Variants in ANXA8 observed in about 807,000 individuals in gnomAD.
The protein encoded by ANXA8 is VAC-beta.
A neutral mutation model predicts 26.8 loss-of-function variants in ANXA8; 9 were observed. That is an observed-to-expected ratio of 0.34 (90% CI 0.20 to 0.59). The LOEUF (loss-of-function observed/expected upper bound fraction) is 0.59. ANXA8 is among the 20% of genes least tolerant of loss of function. The probability of loss-of-function intolerance (pLI) is 0.84; values close to 1 mark genes in which losing one functional copy is unlikely to be tolerated. For missense variants in ANXA8, 83 were observed against 238.5 expected (o/e 0.35, Z 4.29); for synonymous variants, 39 against 94.8 (o/e 0.41, Z 3.42).
At chr10:47,942,203 G>A in the ANXA8 span, among the ~76,000 whole-genome samples, 1 of 146,162 alleles carries the variant, frequency 6.8e-6, no homozygotes, top group African/African-American at 2.7e-5. Context: ...TTATGAATAG[G>A]TGAAAAGCCT....
At chr10:47,932,410 T>G in the ANXA8 span, among the ~76,000 whole-genome samples, 4 of 151,040 alleles carry the variant, frequency 2.6e-5, no homozygotes, top group Non-Finnish European at 5.9e-5. Flanking sequence ...ATGGGGAACT[T>G]ATCGGCTCAT....
the ANXA8 span, chr10:47,502,928 T>C: frequency 6.2e-7 from 1 of 1,602,852 alleles, no homozygotes; most frequent in South Asian, 1.1e-5. Context: ...TTTAGGTGTT[T>C]CTTTTTATTG....
intron 11 of ANXA8, among the ~76,000 whole-genome samples, chr10:47,470,166 A>G (rs1309370703): frequency 5.9e-5 from 9 of 151,888 alleles, no homozygotes; most frequent in African/African-American, 1.9e-4. Flanking sequence ...CTTAATTTCA[A>G]TGCAGGAGTT....
the ANXA8 span, among the ~76,000 whole-genome samples, chr10:47,693,911 C>T: frequency 1.3e-5 from 2 of 151,858 alleles, no homozygotes; most frequent in Admixed American, 1.3e-4. Flanking sequence ...GCTTATGTTG[C>T]AGAGCTGAAA....
chr10:47,490,217 G>A, the ANXA8 span: 1 of 176,360 alleles, frequency 5.7e-6, no homozygotes. Flanking sequence ...GTTTTTTAAA[G>A]TGTGGGTGGT....
chr10:47,682,056 CCT>C, the ANXA8 span, among the ~76,000 whole-genome samples: 1 of 151,062 alleles, frequency 6.6e-6, no homozygotes, highest in Non-Finnish European at 1.5e-5. Context: ...CTTTTTTCCC[CCT>C]TAGTTGCCAA....
the ANXA8 span, among the ~76,000 whole-genome samples, chr10:47,748,401 C>A: frequency 6.6e-6 from 1 of 150,982 alleles, no homozygotes; most frequent in Non-Finnish European, 1.5e-5. Flanking sequence ...TTAGTGGAGA[C>A]GGGGTTTCAC....
the ANXA8 span, among the ~76,000 whole-genome samples, chr10:47,976,917 T>C: frequency 0.022 from 1,464 of 65,938 alleles, 172 homozygotes; most frequent in African/African-American, 0.072. Flanking sequence ...GAGGTATTCA[T>C]AGAGGCTTTG....
chr10:47,937,872 C>T, the ANXA8 span, among the ~76,000 whole-genome samples: 10 of 142,242 alleles, frequency 7.0e-5, no homozygotes, highest in African/African-American at 2.3e-4. Context: ...TTTTTTATGG[C>T]TGCATAGTAT....
At chr10:47,536,837 CA>C in the ANXA8 span, among the ~76,000 whole-genome samples, 2 of 121,020 alleles carry the variant, frequency 1.7e-5, 1 homozygote, top group Non-Finnish European at 3.2e-5. Context: ...GCTCATTTCC[CA>C]AATTTGAAGA....
chr10:47,597,242 C>T, the ANXA8 span, among the ~76,000 whole-genome samples: 39 of 149,180 alleles, frequency 2.6e-4, 5 homozygotes, highest in African/African-American at 8.5e-4. Context: ...ATAGACTAGG[C>T]ATTCAAAGAA....
At chr10:47,664,995 G>A in the ANXA8 span, among the ~76,000 whole-genome samples, 1 of 143,618 alleles carries the variant, frequency 7.0e-6, no homozygotes, top group African/African-American at 2.8e-5. Flanking sequence ...CCAAAGTGCT[G>A]GGATTACAGG....
At chr10:47,613,807 G>A in the ANXA8 span, among the ~76,000 whole-genome samples, 128 of 80,342 alleles carry the variant, frequency 1.6e-3, 19 homozygotes, top group East Asian at 0.031. Flanking sequence ...ACTTGCATGC[G>A]CAGTTCACAG....
chr10:47,699,041 G>T, the ANXA8 span, among the ~76,000 whole-genome samples: 1 of 151,530 alleles, frequency 6.6e-6, no homozygotes, highest in African/African-American at 2.4e-5. Context: ...ATCAGCTAAC[G>T]CACTTAGACA....
chr10:47,749,626 A>C, the ANXA8 span, among the ~76,000 whole-genome samples: 65 of 151,114 alleles, frequency 4.3e-4, no homozygotes, highest in African/African-American at 1.5e-3. Context: ...CTGTGGAGGA[A>C]ACCACTAAAG....
chr10:47,747,496 G>C, the ANXA8 span, among the ~76,000 whole-genome samples: 29 of 136,762 alleles, frequency 2.1e-4, no homozygotes, highest in African/African-American at 6.8e-4. Flanking sequence ...TAGATAGACG[G>C]GCAAACCAGA....
the ANXA8 span, among the ~76,000 whole-genome samples, chr10:47,777,152 G>C: frequency 6.6e-6 from 1 of 151,448 alleles, no homozygotes. Flanking sequence ...GTGTGATCGG[G>C]GGCAATTAGC....
chr10:47,672,713 G>A, the ANXA8 span, among the ~76,000 whole-genome samples: 1 of 151,980 alleles, frequency 6.6e-6, no homozygotes, highest in East Asian at 1.9e-4. Context: ...TTTAGATAGT[G>A]TAATACGGGA....
chr10:47,762,182 CACGCGCTTAGGGGAGTTGGTGCG>C, the ANXA8 span, among the ~76,000 whole-genome samples: 13 of 151,306 alleles, frequency 8.6e-5, no homozygotes, highest in Admixed American at 3.9e-4. Context: ...TCAAGGTGAG[CACGCGCTTAGGGGAGTTGGTGCG>C]ACGCGGTGGA....
Sources: allele counts gnomAD v4.1 joint callset (sites outside exome capture counted in the v4.1 genomes callset), GRCh38; gene constraint gnomAD v4.1.1; transcripts MANE v1.5; gene names NCBI Gene and HGNC (gene_info 2026-07-23, HGNC 2026-07-21).